TASP1: variants seen among roughly 807,000 people sequenced by gnomAD.
TASP1 encodes the protein taspase 1, also known as threonine aspartase 1.
In TASP1, 16 loss-of-function variants were observed where a neutral mutation model predicts 56.6. That is an observed-to-expected ratio of 0.28 (90% CI 0.19 to 0.43). The LOEUF is 0.43. TASP1 is among the 20% of genes least tolerant of loss of function. The pLI, the probability that TASP1 is intolerant of heterozygous loss-of-function variation, is 1.00. For missense variants in TASP1, 393 were observed against 511.6 expected (o/e 0.77, Z 2.24); for synonymous variants, 179 against 184.2 (o/e 0.97, Z 0.23).
At chr20:13,574,216 T>C (rs2147164704) in intron 6 of TASP1, among the ~76,000 whole-genome samples, 1 of 152,168 alleles carries the variant, frequency 6.6e-6, no homozygotes, top group Middle Eastern at 3.4e-3. Context: ...TCTAGGTGCA[T>C]CTGTTATAAT....
intron 8 of TASP1, among the ~76,000 whole-genome samples, chr20:13,548,745 G>C (rs1292202970): frequency 1.3e-5 from 2 of 152,108 alleles, no homozygotes; most frequent in African/African-American, 4.8e-5. Flanking sequence ...TATAATCCCA[G>C]TTCATCTAAA....
chr20:13,586,280 A>T (rs2047303462), intron 5 of TASP1, among the ~76,000 whole-genome samples: 1 of 152,168 alleles, frequency 6.6e-6, no homozygotes, highest in Non-Finnish European at 1.5e-5. Context: ...TAGAAATTTC[A>T]TATGCCCATT....
At chr20:13,478,935 T>C (rs2043038003) in intron 11 of TASP1, among the ~76,000 whole-genome samples, 2 of 152,166 alleles carry the variant, frequency 1.3e-5, no homozygotes, top group Admixed American at 1.3e-4. Context: ...GAATAAATTA[T>C]GGAACCATGA....
chr20:13,130,888 C>A, the TASP1 span, among the ~76,000 whole-genome samples: 1 of 152,186 alleles, frequency 6.6e-6, no homozygotes, highest in Non-Finnish European at 1.5e-5. Flanking sequence ...GACTCAACTT[C>A]CCTCTTGCCA....
In TASP1 at chr20:13,520,058, C is replaced by A. The variant is rs534739560; in HGVS notation, c.874+8375G>T. ...GAGAATAAAATAGCTAGGAATCCAA[C>A]TTACAAGGGAAGTGAAGGACCTCTT... On this transcript the variant is annotated intron_variant, in intron 10 of 13. Coordinates refer to ENST00000337743, the MANE Select transcript of TASP1 (RefSeq NM_017714.3). 2.8e-3 allele frequency among the ~76,000 whole-genome samples: 420 copies of A among 152,282 alleles called. 2 individuals carry two copies. Among genetic ancestry groups the A allele is most frequent in the Middle Eastern group, 6.8e-3 (2 of 294 alleles).
the TASP1 span, among the ~76,000 whole-genome samples, chr20:13,157,793 AT>A: frequency 1.2e-4 from 18 of 152,272 alleles, no homozygotes; most frequent in East Asian, 3.5e-3. Flanking sequence ...CTTCTGTGAT[AT>A]TTCTTTGTTG....
intron 11 of TASP1, among the ~76,000 whole-genome samples, chr20:13,452,324 C>A (rs1386686301): frequency 4.0e-5 from 6 of 151,190 alleles, no homozygotes; most frequent in Admixed American, 6.6e-5. Flanking sequence ...ATGAGGTATG[C>A]CTCTATTCCA....
intron 11 of TASP1, among the ~76,000 whole-genome samples, chr20:13,475,063 T>G (rs1049442246): frequency 6.6e-6 from 1 of 152,192 alleles, no homozygotes; most frequent in Non-Finnish European, 1.5e-5. Context: ...ATTAATTCAC[T>G]AAACAACTTG....
At chr20:13,417,620 C>T (rs545495864) in intron 12 of TASP1, 99 bp from the exon 13 acceptor site, 2 of 1,265,602 alleles carry the variant, frequency 1.6e-6, no homozygotes, top group African/African-American at 3.0e-5. Context: ...TTATATTTAA[C>T]ACACTCAGTT....
the TASP1 span, among the ~76,000 whole-genome samples, chr20:13,372,540 C>T: frequency 6.6e-5 from 10 of 151,080 alleles, no homozygotes; most frequent in Admixed American, 6.6e-4. Flanking sequence ...TATGTATACA[C>T]ATATATGTAA....
At chr20:13,404,691 G>GT (rs1389434035) in intron 13 of TASP1, among the ~76,000 whole-genome samples, 3 of 152,094 alleles carry the variant, frequency 2.0e-5, no homozygotes, top group Non-Finnish European at 4.4e-5. Flanking sequence ...GCTGACAAAA[G>GT]TTAATAGTCA....
chr20:13,519,711 C>G (rs971160998), intron 10 of TASP1, among the ~76,000 whole-genome samples: 14 of 152,126 alleles, frequency 9.2e-5, no homozygotes, highest in Non-Finnish European at 1.6e-4. Flanking sequence ...AAAATTGGCA[C>G]AAGACAGGGA....
chr20:13,287,251 G>A, the TASP1 span, among the ~76,000 whole-genome samples: 1 of 152,198 alleles, frequency 6.6e-6, no homozygotes, highest in Non-Finnish European at 1.5e-5. Flanking sequence ...GGCAAAGGAA[G>A]AGCAAAGGGA....
intron 9 of TASP1, among the ~76,000 whole-genome samples, chr20:13,531,343 G>A (rs981500460): frequency 1.3e-5 from 2 of 152,054 alleles, no homozygotes; most frequent in African/African-American, 4.8e-5. Flanking sequence ...AAACTCAACC[G>A]CCTATTTGTG....
chr20:13,273,544 A>T, the TASP1 span, among the ~76,000 whole-genome samples: 3 of 152,160 alleles, frequency 2.0e-5, no homozygotes, highest in African/African-American at 7.2e-5. Context: ...CCTGTCTTTT[A>T]AAAATATTAC....
the TASP1 span, among the ~76,000 whole-genome samples, chr20:13,371,267 T>C: frequency 6.6e-6 from 1 of 152,140 alleles, no homozygotes; most frequent in Non-Finnish European, 1.5e-5. Context: ...GTTGTTGATA[T>C]GGGATCTTTC....
chr20:13,464,610 G>C (rs979263287), intron 11 of TASP1, among the ~76,000 whole-genome samples: 2 of 152,160 alleles, frequency 1.3e-5, no homozygotes, highest in Non-Finnish European at 2.9e-5. Flanking sequence ...CAACTTGGAT[G>C]AACCTTAAGG....
the TASP1 span, among the ~76,000 whole-genome samples, chr20:13,189,909 A>C: frequency 1.3e-5 from 2 of 152,224 alleles, no homozygotes; most frequent in Admixed American, 6.5e-5. Context: ...ATAGGTGCCC[A>C]TCAGTGGTGG....
chr20:13,497,091 C>A (rs531734303), intron 10 of TASP1, among the ~76,000 whole-genome samples: 1 of 152,316 alleles, frequency 6.6e-6, no homozygotes, highest in South Asian at 2.1e-4. Context: ...TTCATCAATT[C>A]TTTCCTACAG....
Sources: gnomAD v4.1 joint callset for allele counts (sites outside exome capture counted in the v4.1 genomes callset) on GRCh38, gnomAD v4.1.1 for gene constraint, MANE v1.5 for transcripts, NCBI Gene and HGNC (gene_info 2026-07-23, HGNC 2026-07-21) for gene names.